Variants in CFH observed in about 807,000 individuals in gnomAD.
CFH encodes complement factor H.
In CFH, 53 loss-of-function variants were observed where a neutral mutation model predicts 147.3. That is an observed-to-expected ratio of 0.36 (90% CI 0.29 to 0.45). The LOEUF (loss-of-function observed/expected upper bound fraction) is 0.45, where lower values mean the gene tolerates loss of function less well. Among genes scored for constraint, CFH ranks in the 20% least tolerant of loss-of-function variants. The pLI is 1.00. For synonymous variants in CFH, 536 were observed against 489.4 expected (o/e 1.10, Z -1.26); for missense variants, 1,380 against 1,498.0 (o/e 0.92, Z 1.30).
intron 10 of CFH, among the ~76,000 whole-genome samples, chr1:196,715,118 T>C (rs1668837240): frequency 6.6e-6 from 1 of 152,000 alleles, no homozygotes; most frequent in South Asian, 2.1e-4. Context: ...AAATTTTTAT[T>C]AATTATTCTT....
chr1:196,732,756 G>C lies in CFH; in HGVS notation c.2414-4068G>C, dbSNP rs551782239. On this transcript the variant is annotated intron_variant, in intron 15 of 21. Transcript: ENST00000367429. ...TTCAGGACCTGGGACCAACAAGTTA[G>C]GAGCCAGGAGGTCTAGATGTAGCTG... 2.0e-5 allele frequency among the ~76,000 whole-genome samples: 3 copies of C among 152,168 alleles called. No individual in the cohort carries two copies. In the South Asian group the frequency reaches 6.2e-4, roughly 31 times the overall value.
intron 3 of CFH, 63 bp downstream of exon 3, chr1:196,674,025 A>T: frequency 9.0e-7 from 1 of 1,115,456 alleles, no homozygotes; most frequent in Non-Finnish European, 1.3e-6. Context: ...CTACTACTTT[A>T]TATATTTTTA....
At chr1:196,685,605 T>C (rs1288912925) in intron 7 of CFH, among the ~76,000 whole-genome samples, 6 of 152,114 alleles carry the variant, frequency 3.9e-5, no homozygotes, top group Non-Finnish European at 8.8e-5. Flanking sequence ...ACAGTTTCTA[T>C]CGGTCAGTAA....
chr1:196,713,314 G>T (rs926547286), intron 9 of CFH, among the ~76,000 whole-genome samples: 3 of 152,122 alleles, frequency 2.0e-5, no homozygotes, highest in African/African-American at 7.2e-5. Flanking sequence ...TATTTTGGCA[G>T]ATTTTCTAAG....
intron 21 of CFH, 38 bp from the exon 22 acceptor site, chr1:196,747,073 C>T (rs1258285806): frequency 1.2e-6 from 2 of 1,611,426 alleles, no homozygotes; most frequent in African/African-American, 2.7e-5. Flanking sequence ...GATTTGCATA[C>T]TACTTAATGT....
At chr1:196,658,537 G>A (rs938142764) in intron 1 of CFH, among the ~76,000 whole-genome samples, 3 of 148,996 alleles carry the variant, frequency 2.0e-5, no homozygotes, top group Non-Finnish European at 4.4e-5. Flanking sequence ...TCAGCCTCCC[G>A]AGTAGCTGGG....
At chr1:196,694,944 T>A (rs1668200601) in intron 9 of CFH, among the ~76,000 whole-genome samples, 1 of 152,196 alleles carries the variant, frequency 6.6e-6, no homozygotes, top group South Asian at 2.1e-4. Context: ...TTTTCTCCCA[T>A]TCTGTAGATT....
intron 9 of CFH, among the ~76,000 whole-genome samples, chr1:196,702,539 A>C (rs1668485713): frequency 4.7e-5 from 1 of 21,304 alleles, no homozygotes. Flanking sequence ...AAAAAAAAAA[A>C]CATCCAAAGC....
intron 9 of CFH, among the ~76,000 whole-genome samples, chr1:196,691,739 C>T (rs1573029729): frequency 6.6e-6 from 1 of 151,802 alleles, no homozygotes. Flanking sequence ...GCATTATGAA[C>T]ATAAGTTGCT....
Position 196,690,132 on chromosome 1 carries a change from A to T in CFH, c.1229A>T (p.Lys410Ile). ...CATGGAAGAAAGTTTGTACAGGGTA[A>T]ATCTATAGACGTTGCCTGCCATCCT... is the stretch of plus-strand genomic sequence containing the variant. ...QNHGRKFVQG[K>I]SIDVACHPGY... The change falls in exon 9 of 22, where the codon AAA (lysine) becomes ATA (isoleucine). Residue 410 changes from lysine (K) to isoleucine (I), a missense_variant. Physicochemically the swap from Lys to Ile is moderately radical, Grantham distance 102. Coordinates refer to ENST00000367429, the MANE Select transcript of CFH (RefSeq NM_000186.4). 1 of 1,613,116 alleles carries T rather than the reference A, an allele frequency of 6.2e-7. No homozygotes were observed. The highest frequency in any genetic ancestry group is 8.5e-7 in the Non-Finnish European group (1 of 1,179,384).
chr1:196,662,846 A>T (rs1666954810), intron 1 of CFH, among the ~76,000 whole-genome samples: 1 of 151,758 alleles, frequency 6.6e-6, no homozygotes, highest in African/African-American at 2.4e-5. Flanking sequence ...ACACCACTGC[A>T]CTCCAGCCTG....
rs1463513004 is a variant in CFH, at chr1:196,737,786, TA to T, written c.2782+130del. 10 of 659,906 alleles carry T rather than the reference TA, an allele frequency of 1.5e-5. No homozygotes were observed. The Admixed American group carries it at 3.1e-4, about 20-fold the overall frequency. The allele number at this position is 659,906 out of a possible 1,614,324, so 40.9% of individuals were successfully genotyped here. A position where few individuals can be genotyped will look rare whatever the true frequency, so the allele number is the denominator to read the frequency against. ...TAAAATAATTTATATATTATACCATTAAAATACTTTTTGCATGATTGAATCT... is the reference window on the plus strand; with the variant it reads ...TAAAATAATTTATATATTATACCATTAAATACTTTTTGCATGATTGAATCT... On this transcript the variant is annotated intron_variant, in intron 17 of 21. Transcript: ENST00000367429.
intron 3 of CFH, among the ~76,000 whole-genome samples, chr1:196,674,364 G>A (rs1335602553): frequency 1.3e-5 from 2 of 152,090 alleles, no homozygotes; most frequent in South Asian, 2.1e-4. Flanking sequence ...TTTAAGGAAA[G>A]CAAGACTTTC....
chr1:196,707,556 A>G (rs1668621124), intron 9 of CFH, among the ~76,000 whole-genome samples: 1 of 152,294 alleles, frequency 6.6e-6, no homozygotes, highest in South Asian at 2.1e-4. Context: ...CATGCAAAGC[A>G]TGACTGGTGA....
intron 1 of CFH, among the ~76,000 whole-genome samples, chr1:196,660,285 G>A (rs535029113): frequency 6.6e-5 from 10 of 152,318 alleles, no homozygotes; most frequent in Admixed American, 5.2e-4. Flanking sequence ...ATAAATCAGC[G>A]TGACTTTGCA....
intron 9 of CFH, among the ~76,000 whole-genome samples, chr1:196,704,805 G>C (rs1169426196): frequency 6.6e-6 from 1 of 152,182 alleles, no homozygotes; most frequent in Non-Finnish European, 1.5e-5. Flanking sequence ...AGGATTATTG[G>C]TTTGTACAGG....
At chr1:196,672,574 G>C (rs1667319431) in intron 1 of CFH, among the ~76,000 whole-genome samples, 1 of 152,138 alleles carries the variant, frequency 6.6e-6, no homozygotes, top group Non-Finnish European at 1.5e-5. Flanking sequence ...AATGCTTTGA[G>C]AACAGATAGT....
At chr1:196,655,837 T>A (rs1403304461) in intron 1 of CFH, among the ~76,000 whole-genome samples, 2 of 152,100 alleles carry the variant, frequency 1.3e-5, no homozygotes, top group African/African-American at 4.8e-5. Flanking sequence ...CTTAAAATTA[T>A]AAGGAGTCAT....
intron 9 of CFH, among the ~76,000 whole-genome samples, chr1:196,703,669 C>G (rs1207994350): frequency 6.6e-6 from 1 of 152,046 alleles, no homozygotes; most frequent in African/African-American, 2.4e-5. Context: ...TTTGGATTGT[C>G]AGCTAGAGTA....
Sources: allele counts gnomAD v4.1 joint callset (sites outside exome capture counted in the v4.1 genomes callset), GRCh38; gene constraint gnomAD v4.1.1; transcripts MANE v1.5; gene names NCBI Gene and HGNC (gene_info 2026-07-23, HGNC 2026-07-21).